Variants in MYO3B observed in about 807,000 individuals in gnomAD.
MYO3B encodes myosin-IIIb.
A neutral mutation model predicts 174.6 loss-of-function variants in MYO3B; 156 were observed. The ratio of observed to expected loss-of-function variants is 0.89; its 90% confidence interval spans 0.78 to 1.02. MYO3B has a LOEUF of 1.02. Among genes scored for constraint, MYO3B ranks in the 50% least tolerant of loss-of-function variants. The probability of loss-of-function intolerance (pLI) is 0.00; values close to 1 mark genes in which losing one functional copy is unlikely to be tolerated. For missense variants in MYO3B, 1,632 were observed against 1,639.4 expected, an observed-to-expected ratio of 1.00 and a Z score of 0.08; for synonymous variants, 563 against 569.1, an observed-to-expected ratio of 0.99 and a Z score of 0.15.
rs1453245951 is a variant in MYO3B at position 170,577,938 on chromosome 2, C to G, written c.3733+33950C>G. On this transcript the variant is annotated intron_variant, in intron 32 of 34. Transcript: ENST00000408978. Reference sequence around the variant, plus strand: ...GATTTTGCTCAAACTGCAAAGTGTTCTAGAACTGGAGGGTATGTGAGAATA... The same window carrying G: ...GATTTTGCTCAAACTGCAAAGTGTTGTAGAACTGGAGGGTATGTGAGAATA... 2.6e-5 allele frequency among the ~76,000 whole-genome samples: 4 copies of G among 152,134 alleles called. No homozygotes were observed. The East Asian group carries it at 7.7e-4, about 29-fold the overall frequency.
intron 13 of MYO3B, 83 bp downstream of exon 13, chr2:170,386,355 GT>G (rs201868398): frequency 1.4e-5 from 16 of 1,122,032 alleles, no homozygotes; most frequent in African/African-American, 3.0e-5. Context: ...GAAGTGCTGG[GT>G]TTTTTTTATT....
intron 21 of MYO3B, among the ~76,000 whole-genome samples, chr2:170,406,259 C>T (rs2094508617): frequency 6.6e-6 from 1 of 152,170 alleles, no homozygotes; most frequent in South Asian, 2.1e-4. Context: ...TGAATTATGG[C>T]TGATTGGTTC....
At chr2:170,535,463 G>A (rs995327201) in intron 30 of MYO3B, among the ~76,000 whole-genome samples, 3 of 152,088 alleles carry the variant, frequency 2.0e-5, no homozygotes, top group Admixed American at 6.5e-5. Flanking sequence ...CTGCCTCCTA[G>A]CAAATTTTCT....
chr2:170,405,435 C>T (rs2094503623), intron 20 of MYO3B, 110 bp from the exon 21 acceptor site: 4 of 856,362 alleles, frequency 4.7e-6, no homozygotes, highest in Non-Finnish European at 7.6e-6. Flanking sequence ...AATATCAAGG[C>T]CTTATTCTGA....
chr2:170,429,841 A>T (rs923357582), intron 22 of MYO3B, among the ~76,000 whole-genome samples: 4 of 152,042 alleles, frequency 2.6e-5, no homozygotes, highest in Admixed American at 6.6e-5. Flanking sequence ...CTTTATTCAG[A>T]GATTTATTCT....
chr2:170,302,922 GA>G (rs1236060331), intron 7 of MYO3B, among the ~76,000 whole-genome samples: 10 of 152,124 alleles, frequency 6.6e-5, no homozygotes, highest in Non-Finnish European at 1.0e-4. Context: ...TTATGTCACT[GA>G]TTTTTGTTTT....
intron 28 of MYO3B, among the ~76,000 whole-genome samples, chr2:170,506,956 C>T (rs1687655138): frequency 6.6e-6 from 1 of 152,158 alleles, no homozygotes; most frequent in Non-Finnish European, 1.5e-5. Context: ...GTAGTTCTAC[C>T]TCTATTTCAC....
chr2:170,368,865 C>A (rs773749759), intron 8 of MYO3B, among the ~76,000 whole-genome samples: 1 of 152,108 alleles, frequency 6.6e-6, no homozygotes, highest in East Asian at 1.9e-4. Flanking sequence ...AGAAAGTATA[C>A]ATACAAATCA....
chr2:170,566,443 T>C (rs1692083008), intron 32 of MYO3B, among the ~76,000 whole-genome samples: 1 of 152,212 alleles, frequency 6.6e-6, no homozygotes, highest in Non-Finnish European at 1.5e-5. Context: ...TAAAATAGTT[T>C]AAAGTTTAGT....
At chr2:170,526,703 A>G (rs1023621085) in intron 30 of MYO3B, among the ~76,000 whole-genome samples, 6 of 152,186 alleles carry the variant, frequency 3.9e-5, no homozygotes, top group African/African-American at 1.4e-4. Flanking sequence ...GGTCACGTGT[A>G]TTTTCAAAAC....
rs1376187241 is a variant in MYO3B, at chr2:170,318,663, G to T, written c.750-16722G>T. ...AGAGATCCAGTATAGTGGGTGGCAA[G>T]AGCAGAGCAGGAGGTACCTCTATGC... On this transcript the variant is annotated intron_variant, in intron 7 of 34. Transcript: ENST00000408978. Among the ~76,000 whole-genome samples, 3 of 152,308 alleles carry T rather than the reference G, an allele frequency of 2.0e-5. No individual in the cohort carries two copies. The East Asian group carries it at 5.8e-4, about 29-fold the overall frequency.
At chr2:170,254,165 A>G (rs1050125582) in intron 7 of MYO3B, among the ~76,000 whole-genome samples, 1 of 151,334 alleles carries the variant, frequency 6.6e-6, no homozygotes, top group Admixed American at 6.6e-5. Context: ...GTGGCACTAC[A>G]CTCCCGCCAC....
At chr2:170,477,206 T>C (rs1685370710) in intron 25 of MYO3B, among the ~76,000 whole-genome samples, 1 of 152,160 alleles carries the variant, frequency 6.6e-6, no homozygotes, top group African/African-American at 2.4e-5. Flanking sequence ...TCAGCCTTTG[T>C]GCATTCTCTT....
At chr2:170,524,321 T>C (rs1688867032) in intron 30 of MYO3B, among the ~76,000 whole-genome samples, 1 of 152,186 alleles carries the variant, frequency 6.6e-6, no homozygotes, top group South Asian at 2.1e-4. Flanking sequence ...CAGATCTACC[T>C]ACACCTGCCC....
At chr2:170,366,185 C>T (rs1206273668) in intron 8 of MYO3B, among the ~76,000 whole-genome samples, 1 of 152,194 alleles carries the variant, frequency 6.6e-6, no homozygotes, top group Non-Finnish European at 1.5e-5. Context: ...CCTTCAGCCT[C>T]TTGAACTTGG....
intron 32 of MYO3B, among the ~76,000 whole-genome samples, chr2:170,625,118 T>C (rs926929379): frequency 6.6e-6 from 1 of 152,220 alleles, no homozygotes; most frequent in Non-Finnish European, 1.5e-5. Context: ...TTTCCATTGA[T>C]TGGAATAGTT....
At chr2:170,603,237 C>A (rs1559151448) in intron 32 of MYO3B, among the ~76,000 whole-genome samples, 1 of 151,998 alleles carries the variant, frequency 6.6e-6, no homozygotes, top group Non-Finnish European at 1.5e-5. Flanking sequence ...AAATCCACGC[C>A]CCCCCAACCC....
intron 8 of MYO3B, among the ~76,000 whole-genome samples, chr2:170,342,851 A>G (rs1466726564): frequency 2.6e-5 from 4 of 152,160 alleles, no homozygotes; most frequent in African/African-American, 9.7e-5. Context: ...TTCACGCTCA[A>G]CCAGCAGTAG....
At chr2:170,527,071 C>A (rs1689051872) in intron 30 of MYO3B, among the ~76,000 whole-genome samples, 1 of 152,188 alleles carries the variant, frequency 6.6e-6, no homozygotes, top group Non-Finnish European at 1.5e-5. Context: ...TCTTTACCTG[C>A]TGATGTTTTA....
Sources: gnomAD v4.1 joint callset for allele counts (sites outside exome capture counted in the v4.1 genomes callset) on GRCh38, gnomAD v4.1.1 for gene constraint, MANE v1.5 for transcripts, NCBI Gene and HGNC (gene_info 2026-07-23, HGNC 2026-07-21) for gene names.